Variants in DYTN observed in about 807,000 individuals in gnomAD.
The protein encoded by DYTN is dystrotelin.
A neutral mutation model predicts 69.6 loss-of-function variants in DYTN; 75 were observed. The ratio of observed to expected loss-of-function variants is 1.08; its 90% confidence interval spans 0.89 to 1.31. The LOEUF is 1.31. DYTN is among the 50% of genes most tolerant of loss of function. The pLI is 0.00. For synonymous variants in DYTN, 252 were observed against 249.1 expected, an observed-to-expected ratio of 1.01 and a Z score of -0.11; for missense variants, 726 against 688.4, an observed-to-expected ratio of 1.05 and a Z score of -0.61.
intron 7 of DYTN, 42 bp from the exon 8 acceptor site, chr2:206,694,919 TGAG>T (rs769395309): frequency 9.4e-7 from 1 of 1,063,382 alleles, no homozygotes; most frequent in African/African-American, 2.4e-5. Context: ...CACTAGTAGA[TGAG>T]AAAAAAAAAA....
chr2:206,664,368 C>A (rs1316237277), intron 10 of DYTN, among the ~76,000 whole-genome samples: 1 of 152,108 alleles, frequency 6.6e-6, no homozygotes, highest in Admixed American at 6.5e-5. Context: ...TCAGTTATAA[C>A]AGTTAAGGCC....
intron 8 of DYTN, 73 bp from the exon 9 acceptor site, chr2:206,693,396 G>C: frequency 6.6e-7 from 1 of 1,518,356 alleles, no homozygotes; most frequent in African/African-American, 1.4e-5. Flanking sequence ...TACTTGGATG[G>C]ACTGGCCACC....
At chr2:206,699,985 A>C in intron 6 of DYTN, 95 bp from the exon 7 acceptor site, 2 of 1,543,606 alleles carry the variant, frequency 1.3e-6, no homozygotes, top group Non-Finnish European at 1.8e-6. Context: ...CTGCTGAAGA[A>C]GTTTATCATA....
intron 9 of DYTN, among the ~76,000 whole-genome samples, chr2:206,677,056 C>T (rs1275484426): frequency 2.6e-5 from 4 of 152,138 alleles, no homozygotes; most frequent in Non-Finnish European, 5.9e-5. Context: ...AAACAATTCT[C>T]CTGCCTCAAC....
At chr2:206,696,460 G>T (rs1329669676) in intron 7 of DYTN, among the ~76,000 whole-genome samples, 4 of 152,110 alleles carry the variant, frequency 2.6e-5, no homozygotes, top group African/African-American at 9.7e-5. Context: ...CCCATGGCAG[G>T]ATATTAATAA....
intron 11 of DYTN, among the ~76,000 whole-genome samples, chr2:206,659,238 C>T (rs13010887): frequency 7.7e-6 from 1 of 129,362 alleles, no homozygotes; most frequent in Admixed American, 9.3e-5. Flanking sequence ...CGGGCGCGAT[C>T]TCAGCTCACT....
intron 11 of DYTN, among the ~76,000 whole-genome samples, chr2:206,656,764 CT>C (rs34895289): frequency 0.27 from 36,802 of 138,362 alleles, 4,493 homozygotes; most frequent in African/African-American, 0.36. Context: ...TCTAAATAGT[CT>C]TTTTTTTTTT....
chr2:206,704,936 A>G lies in DYTN; in HGVS notation c.390T>C (p.Phe130=). The G allele has an allele frequency of 6.2e-7, 1 of 1,613,316 alleles. No individual in the cohort carries two copies. The highest frequency in any genetic ancestry group is 2.2e-5 in the East Asian group (1 of 44,846). The stretch of plus-strand genomic sequence containing the variant: ...CCCTGCTATTTTCTGCATAGAGTTG[A>G]AAAAGAGCTAGACATGTAGGAGGAA... ...DSPLSKYRAL[F]QLYAENSRGG... Residue 130 remains phenylalanine, a synonymous_variant, in exon 5 of 12, where the codon TTT becomes TTC. Transcript: ENST00000452335.
intron 11 of DYTN, among the ~76,000 whole-genome samples, chr2:206,654,566 T>C (rs1574583782): frequency 6.6e-6 from 1 of 152,196 alleles, no homozygotes; most frequent in South Asian, 2.1e-4. Context: ...CTATTGGTAG[T>C]TAAGTTTTAG....
intron 1 of DYTN, among the ~76,000 whole-genome samples, chr2:206,713,997 C>G (rs900863095): frequency 1.3e-5 from 2 of 152,184 alleles, no homozygotes; most frequent in Non-Finnish European, 1.5e-5. Context: ...AAAAATGAAA[C>G]AAGGAACTGC....
chr2:206,654,040 GCA>G (rs1699418276), intron 11 of DYTN, among the ~76,000 whole-genome samples: 1 of 152,126 alleles, frequency 6.6e-6, no homozygotes, highest in South Asian at 2.1e-4. Flanking sequence ...ACAGTGCTTG[GCA>G]CACAACAAAT....
intron 9 of DYTN, among the ~76,000 whole-genome samples, chr2:206,676,640 G>A (rs1247455793): frequency 1.3e-5 from 2 of 152,172 alleles, no homozygotes; most frequent in African/African-American, 4.8e-5. Context: ...TGAAAAGGGG[G>A]AAAATGGTTA....
At chr2:206,699,122 A>C (rs889790966) in intron 7 of DYTN, among the ~76,000 whole-genome samples, 9 of 152,206 alleles carry the variant, frequency 5.9e-5, no homozygotes, top group Non-Finnish European at 1.2e-4. Context: ...ATGGCTCCAA[A>C]ATTTAAAAGG....
At chr2:206,714,347 C>A (rs1445086976) in intron 1 of DYTN, among the ~76,000 whole-genome samples, 1 of 152,168 alleles carries the variant, frequency 6.6e-6, no homozygotes, top group Non-Finnish European at 1.5e-5. Context: ...GGATTACAGG[C>A]GCACACCACC....
At chr2:206,688,054 A>C (rs1361174798) in intron 9 of DYTN, among the ~76,000 whole-genome samples, 1 of 152,180 alleles carries the variant, frequency 6.6e-6, no homozygotes, top group Admixed American at 6.5e-5. Context: ...AAATGCATTA[A>C]ATTTAAATAC....
At chr2:206,655,617 T>C (rs540929962) in intron 11 of DYTN, among the ~76,000 whole-genome samples, 116 of 139,568 alleles carry the variant, frequency 8.3e-4, no homozygotes, top group African/African-American at 2.9e-3. Flanking sequence ...AGAGATAGGG[T>C]CTTGACAAGT....
chr2:206,715,788 GT>G (rs1431085361), intron 1 of DYTN, among the ~76,000 whole-genome samples: 5 of 152,078 alleles, frequency 3.3e-5, no homozygotes, highest in African/African-American at 4.8e-5. Context: ...ACAAGTATCA[GT>G]TTAGAAAGTG....
intron 5 of DYTN, 114 bp downstream of exon 5, chr2:206,704,729 T>C: frequency 2.3e-6 from 2 of 854,236 alleles, no homozygotes; most frequent in Non-Finnish European, 3.7e-6. Flanking sequence ...GGAGAGAGCT[T>C]GCATGGAGTT....
At chr2:206,708,303 C>T (rs1373211099) in intron 2 of DYTN, among the ~76,000 whole-genome samples, 1 of 152,146 alleles carries the variant, frequency 6.6e-6, no homozygotes, top group African/African-American at 2.4e-5. Flanking sequence ...AATAAACAGC[C>T]ACTTGCACCA....
Sources: allele counts gnomAD v4.1 joint callset (sites outside exome capture counted in the v4.1 genomes callset), GRCh38; gene constraint gnomAD v4.1.1; transcripts MANE v1.5; gene names NCBI Gene and HGNC (gene_info 2026-07-23, HGNC 2026-07-21).